Variants in BICC1 observed in about 807,000 individuals in gnomAD.
BICC1 encodes the protein BicC family RNA binding protein 1.
BICC1 carries 43 observed loss-of-function variants against 111.0 expected under a neutral mutation model. That is an observed-to-expected ratio of 0.39 (90% confidence interval 0.30 to 0.50). The LOEUF (loss-of-function observed/expected upper bound fraction) is 0.50. Among genes scored for constraint, BICC1 ranks in the 20% least tolerant of loss-of-function variants. The probability of loss-of-function intolerance (pLI) is 0.88; values close to 1 mark genes in which losing one functional copy is unlikely to be tolerated. For missense variants in BICC1, 1,091 were observed against 1,203.2 expected (o/e 0.91, Z 1.38); for synonymous variants, 467 against 434.4 (o/e 1.07, Z -0.93).
chr10:58,611,768 G>A (rs1285769635), intron 1 of BICC1, among the ~76,000 whole-genome samples: 3 of 151,950 alleles, frequency 2.0e-5, no homozygotes, highest in African/African-American at 7.3e-5. Flanking sequence ...GGGATTGCAG[G>A]TGTGAGCCAC....
intron 1 of BICC1, among the ~76,000 whole-genome samples, chr10:58,590,737 A>G (rs552499381): frequency 6.6e-6 from 1 of 152,226 alleles, no homozygotes; most frequent in Non-Finnish European, 1.5e-5. Context: ...CACTTACCTC[A>G]GCATTTAAGA....
intron 2 of BICC1, among the ~76,000 whole-genome samples, chr10:58,655,866 C>G (rs1838626331): frequency 6.6e-6 from 1 of 151,298 alleles, no homozygotes; most frequent in South Asian, 2.1e-4. Flanking sequence ...CCATCAATGC[C>G]TAATTTATTG....
intron 1 of BICC1, among the ~76,000 whole-genome samples, chr10:58,567,827 A>G (rs927985841): frequency 2.0e-5 from 3 of 152,070 alleles, no homozygotes; most frequent in African/African-American, 7.2e-5. Context: ...TACCCAGGGA[A>G]GGCAGTGACG....
intron 1 of BICC1, among the ~76,000 whole-genome samples, chr10:58,518,874 G>A (rs1167320725): frequency 1.3e-5 from 2 of 152,158 alleles, no homozygotes; most frequent in Admixed American, 6.5e-5. Flanking sequence ...CGGGCATGGA[G>A]CAAGCACTCT....
chr10:58,808,288 A>G (rs951494022), intron 17 of BICC1, among the ~76,000 whole-genome samples: 5 of 152,158 alleles, frequency 3.3e-5, no homozygotes, highest in Admixed American at 1.3e-4. Flanking sequence ...CCATTATAAC[A>G]CAGAGAGAAA....
chr10:58,554,478 A>G (rs146064182), intron 1 of BICC1, among the ~76,000 whole-genome samples: 5 of 152,332 alleles, frequency 3.3e-5, no homozygotes, highest in Middle Eastern at 3.4e-3. Context: ...GTTAGCCATT[A>G]TAAACGCCTT....
chr10:58,796,609 C>T, intron 10 of BICC1, 83 bp downstream of exon 10: 1 of 1,313,026 alleles, frequency 7.6e-7, no homozygotes, highest in African/African-American at 1.5e-5. Flanking sequence ...TTCGGGTCTA[C>T]ATTTAAAGGC....
intron 9 of BICC1, among the ~76,000 whole-genome samples, chr10:58,795,104 G>T (rs954914672): frequency 6.6e-6 from 1 of 152,136 alleles, no homozygotes; most frequent in South Asian, 2.1e-4. Flanking sequence ...GTAAACAAGG[G>T]AGATGTTCTA....
intron 20 of BICC1, among the ~76,000 whole-genome samples, chr10:58,824,365 T>C (rs1844335839): frequency 6.6e-6 from 1 of 152,222 alleles, no homozygotes; most frequent in Non-Finnish European, 1.5e-5. Flanking sequence ...GTGCTTGTCA[T>C]ACAATAAGGC....
intron 1 of BICC1, among the ~76,000 whole-genome samples, chr10:58,530,799 A>G (rs149823542): frequency 7.5e-4 from 114 of 151,924 alleles, no homozygotes; most frequent in African/African-American, 2.6e-3. Context: ...CTTCATGTAG[A>G]GAATGCTTTA....
chr10:58,657,293 C>T (rs952108026), intron 2 of BICC1, among the ~76,000 whole-genome samples: 1 of 152,158 alleles, frequency 6.6e-6, no homozygotes, highest in African/African-American at 2.4e-5. Context: ...TCTTCTCACT[C>T]ATTGGCGTTT....
intron 1 of BICC1, among the ~76,000 whole-genome samples, chr10:58,550,222 A>G (rs555476186): frequency 3.3e-5 from 5 of 152,100 alleles, no homozygotes; most frequent in African/African-American, 9.6e-5. Context: ...GGGTTTTGCT[A>G]TGTTGACCAG....
At position 58,638,199 on chromosome 10, in the gene BICC1, T is replaced by C. The variant is rs186304130; in HGVS notation, c.237+17298T>C. On this transcript the variant is annotated intron_variant, in intron 2 of 20. Transcript: ENST00000373886. ...AAATAGTGACTTATTAGGAATTAAC[T>C]TGCATTCCAGAAATTGAGGGTTCAT... Among the ~76,000 whole-genome samples the C allele has an allele frequency of 4.8e-3, 733 of 152,238 alleles. 7 individuals carry two copies. The highest frequency in any genetic ancestry group is 0.017 in the African/African-American group (697 of 41,528).
intron 8 of BICC1, among the ~76,000 whole-genome samples, chr10:58,792,425 CGGACCAAT>C (rs1564616295): frequency 2.0e-5 from 3 of 152,110 alleles, no homozygotes; most frequent in African/African-American, 7.2e-5. Flanking sequence ...GGACAAGGAC[CGGACCAAT>C]ACTGGTCAGT....
rs767191716 is a variant in BICC1, at chr10:58,641,540, A to G, written c.237+20639A>G. 2.1e-4 allele frequency among the ~76,000 whole-genome samples: 32 copies of G among 152,084 alleles called. 1 individual carries two copies. Among genetic ancestry groups the G allele is most frequent in the Admixed American group, 9.8e-4 (15 of 15,264 alleles). ...TTTCAAGCAATGAAAATAGCTCAGT[A>G]GAAATGGTATGGTGGTGCCTTCATA... On this transcript the variant is annotated intron_variant, in intron 2 of 20. Coordinates refer to ENST00000373886, the MANE Select transcript of BICC1 (RefSeq NM_001080512.3).
intron 3 of BICC1, among the ~76,000 whole-genome samples, chr10:58,735,849 C>T (rs868804795): frequency 1.3e-5 from 2 of 152,266 alleles, no homozygotes; most frequent in Admixed American, 6.5e-5. Flanking sequence ...ATGGACTTTC[C>T]ATAGGTACCT....
At chr10:58,601,168 A>ATATATATATATC (rs1182289120) in intron 1 of BICC1, among the ~76,000 whole-genome samples, 3 of 139,352 alleles carry the variant, frequency 2.2e-5, no homozygotes, top group Non-Finnish European at 4.6e-5. Context: ...ATATATATAT[A>ATATATATATATC]TATCTCCCAA....
Position 58,759,610 on chromosome 10 carries a change from G to A in BICC1, c.308-25391G>A, listed in dbSNP as rs1300374018. ...TTCCTGTTTACTCTTTTTCTATGGT[G>A]TAAAAGAAACTGAACATTGACTTTC... On this transcript the variant is annotated intron_variant, in intron 3 of 20. Coordinates refer to ENST00000373886, the MANE Select transcript of BICC1 (RefSeq NM_001080512.3). Among the ~76,000 whole-genome samples, 3 of 152,070 alleles carry A rather than the reference G, an allele frequency of 2.0e-5. No homozygotes were observed. The South Asian group carries it at 6.2e-4, about 32-fold the overall frequency.
intron 1 of BICC1, among the ~76,000 whole-genome samples, chr10:58,536,858 A>C (rs1277797154): frequency 6.6e-6 from 1 of 151,840 alleles, no homozygotes; most frequent in East Asian, 1.9e-4. Context: ...ATTAGAAGTG[A>C]AAATGGAGAC....
Sources: gnomAD v4.1 joint callset for allele counts (sites outside exome capture counted in the v4.1 genomes callset) on GRCh38, gnomAD v4.1.1 for gene constraint, MANE v1.5 for transcripts, NCBI Gene and HGNC (gene_info 2026-07-23, HGNC 2026-07-21) for gene names.